The following CHM variants were observed in gnomAD, a reference collection of about 807,000 sequenced individuals.
CHM encodes CHM Rab escort protein.
In CHM, 10 loss-of-function variants were observed where a neutral mutation model predicts 49.0. The observed-to-expected ratio is 0.20, with a 90% CI of 0.13 to 0.35. The LOEUF is 0.35. CHM is among the 10% of genes least tolerant of loss of function. The probability of loss-of-function intolerance (pLI) is 1.00; values close to 1 mark genes in which losing one functional copy is unlikely to be tolerated. For missense variants in CHM, 455 were observed against 478.4 expected, an observed-to-expected ratio of 0.95 and a Z score of 0.46; for synonymous variants, 184 against 167.5, an observed-to-expected ratio of 1.10 and a Z score of -0.76.
chrX:85,896,237 T>A (rs1925824721), intron 11 of CHM, among the ~76,000 whole-genome samples: 2 of 109,886 alleles, frequency 1.8e-5, no homozygotes, highest in Middle Eastern at 4.7e-3. Context: ...TTTAGACTGA[T>A]CACTCTGAAG....
intron 9 of CHM, among the ~76,000 whole-genome samples, chrX:85,906,228 A>C (rs1926580291): frequency 8.9e-6 from 1 of 112,062 alleles, no homozygotes; most frequent in African/African-American, 3.3e-5. Flanking sequence ...GCTTCTTCCA[A>C]ATCATTGCCA....
intron 2 of CHM, among the ~76,000 whole-genome samples, chrX:86,010,225 G>A (rs1292928322): frequency 1.0e-5 from 1 of 96,465 alleles, no homozygotes; most frequent in Admixed American, 1.2e-4. Context: ...GCTGGAGGAG[G>A]GATAGTGTTA....
chrX:85,934,796 C>A (rs185797470), intron 8 of CHM, among the ~76,000 whole-genome samples: 30 of 110,580 alleles, frequency 2.7e-4, no homozygotes, highest in African/African-American at 9.9e-4. Flanking sequence ...TGGGTATATA[C>A]CCAGTAATGT....
chrX:86,039,499 C>T (rs1167207434), intron 1 of CHM, among the ~76,000 whole-genome samples: 2 of 97,309 alleles, frequency 2.1e-5, no homozygotes, highest in Admixed American at 2.3e-4. Flanking sequence ...AATGAGAACA[C>T]TGGCCTAGAC....
intron 13 of CHM, among the ~76,000 whole-genome samples, chrX:85,873,744 G>T (rs1172289671): frequency 9.0e-6 from 1 of 110,680 alleles, no homozygotes; most frequent in Non-Finnish European, 1.9e-5. Context: ...TATGCTAAGA[G>T]ACAATGAATT....
chrX:85,899,198 A>G (rs1440775640), intron 11 of CHM, among the ~76,000 whole-genome samples: 1 of 111,423 alleles, frequency 9.0e-6, no homozygotes, highest in Non-Finnish European at 1.9e-5. Context: ...CCTGGAATTT[A>G]AGAGGTCTGA....
intron 11 of CHM, among the ~76,000 whole-genome samples, chrX:85,894,748 G>A (rs958935491): frequency 6.3e-5 from 7 of 111,245 alleles, no homozygotes; most frequent in African/African-American, 2.3e-4. Context: ...TTCAGATAAG[G>A]GATACTCAAT....
intron 2 of CHM, among the ~76,000 whole-genome samples, chrX:86,010,893 C>T (rs188995557): frequency 2.8e-3 from 312 of 111,628 alleles, no homozygotes; most frequent in African/African-American, 9.7e-3. Context: ...CCATTTGACA[C>T]TGGGCTCACC....
chrX:85,958,599 T>A (rs1396935490), intron 6 of CHM, among the ~76,000 whole-genome samples: 1 of 111,770 alleles, frequency 8.9e-6, no homozygotes, highest in Non-Finnish European at 1.9e-5. Flanking sequence ...AAAGGATTTG[T>A]GTGACTAGTC....
At chrX:85,887,932 G>A (rs962672718) in intron 12 of CHM, among the ~76,000 whole-genome samples, 2 of 111,784 alleles carry the variant, frequency 1.8e-5, no homozygotes, top group African/African-American at 3.3e-5. Context: ...AAAGGCATCC[G>A]GTTTTGAAAG....
chrX:85,888,222 C>A (rs1211965073), intron 12 of CHM, among the ~76,000 whole-genome samples: 1 of 111,933 alleles, frequency 8.9e-6, no homozygotes. Context: ...GGATGTGGTG[C>A]CCTGCATCCC....
intron 2 of CHM, among the ~76,000 whole-genome samples, chrX:85,995,527 TAGAGA>T (rs1411860647): frequency 1.8e-5 from 2 of 111,789 alleles, no homozygotes; most frequent in Non-Finnish European, 1.9e-5. Context: ...CAGCTTATCT[TAGAGA>T]AAAGAGCACA....
chrX:85,964,129 T>C (rs755816836), intron 4 of CHM, 77 bp from the exon 5 acceptor site: 2 of 932,496 alleles, frequency 2.1e-6, no homozygotes, highest in African/African-American at 2.0e-5. Flanking sequence ...TCAGTGTACG[T>C]TTTGCTTATG....
At chrX:85,980,067 C>G (rs932300834) in intron 3 of CHM, among the ~76,000 whole-genome samples, 6 of 111,337 alleles carry the variant, frequency 5.4e-5, no homozygotes, top group Admixed American at 2.8e-4. Context: ...TTAAAATAAA[C>G]TAAACTTCAA....
chrX:85,963,107 G>A (rs757801783), intron 5 of CHM, among the ~76,000 whole-genome samples: 3 of 111,132 alleles, frequency 2.7e-5, no homozygotes, highest in South Asian at 3.8e-4. Flanking sequence ...CCATCAACCC[G>A]TCATCTACAT....
intron 1 of CHM, among the ~76,000 whole-genome samples, chrX:86,046,401 C>G (rs1203060345): frequency 8.9e-6 from 1 of 112,105 alleles, no homozygotes; most frequent in Non-Finnish European, 1.9e-5. Flanking sequence ...GGATTATGTT[C>G]GGCTTGTAAA....
intron 2 of CHM, among the ~76,000 whole-genome samples, chrX:85,999,941 C>T: frequency 8.9e-6 from 1 of 111,859 alleles, no homozygotes; most frequent in Middle Eastern, 4.6e-3. Flanking sequence ...AGAGGTTGTA[C>T]TTGATATTTA....
intron 11 of CHM, among the ~76,000 whole-genome samples, chrX:85,895,363 C>T (rs1012637853): frequency 6.5e-5 from 7 of 108,375 alleles, no homozygotes; most frequent in Middle Eastern, 4.3e-3. Flanking sequence ...AGGCTGATCT[C>T]CAACTCATGA....
At chrX:85,969,471 G>T (rs1350634748) in intron 4 of CHM, 30 of 697,043 alleles carry the variant, frequency 4.3e-5, no homozygotes, top group Non-Finnish European at 4.8e-5. Flanking sequence ...CTATTACATG[G>T]TAAGAAAGAA....
Sources: allele counts gnomAD v4.1 joint callset (sites outside exome capture counted in the v4.1 genomes callset), GRCh38; gene constraint gnomAD v4.1.1; transcripts MANE v1.5; gene names NCBI Gene and HGNC (gene_info 2026-07-23, HGNC 2026-07-21).